RAPGEF2: variants seen among roughly 807,000 people sequenced by gnomAD.
RAPGEF2 encodes Rap guanine nucleotide exchange factor 2, also known as PDZ domain containing guanine nucleotide exchange factor (GEF) 1.
RAPGEF2 carries 54 observed loss-of-function variants against 186.7 expected under a neutral mutation model. The ratio of observed to expected loss-of-function variants is 0.29; its 90% CI spans 0.23 to 0.36. The LOEUF (loss-of-function observed/expected upper bound fraction) is 0.36. Among genes scored for constraint, RAPGEF2 ranks in the 10% least tolerant of loss-of-function variants. RAPGEF2 has a pLI of 1.00. For synonymous variants in RAPGEF2, 712 were observed against 705.9 expected (o/e 1.01, Z -0.14); for missense variants, 1,532 against 2,045.0 (o/e 0.75, Z 4.84).
intron 1 of RAPGEF2, among the ~76,000 whole-genome samples, chr4:159,171,096 A>G (rs1191991673): frequency 6.6e-6 from 1 of 152,114 alleles, no homozygotes; most frequent in Non-Finnish European, 1.5e-5. Flanking sequence ...CAACATTGTT[A>G]TTTTACTTTA....
At chr4:159,190,854 G>T (rs920468420) in intron 2 of RAPGEF2, among the ~76,000 whole-genome samples, 1 of 152,206 alleles carries the variant, frequency 6.6e-6, no homozygotes, top group African/African-American at 2.4e-5. Flanking sequence ...TATGGGAACT[G>T]CAATTCAAGA....
intron 3 of RAPGEF2, among the ~76,000 whole-genome samples, chr4:159,206,022 C>T (rs575563758): frequency 6.6e-6 from 1 of 152,068 alleles, no homozygotes; most frequent in East Asian, 1.9e-4. Flanking sequence ...CTCCGCCTCC[C>T]GGGTTCACGC....
chr4:159,335,514 G>A (rs1579986162), intron 17 of RAPGEF2, among the ~76,000 whole-genome samples: 1 of 152,138 alleles, frequency 6.6e-6, no homozygotes, highest in South Asian at 2.1e-4. Context: ...GAGTAGAAAG[G>A]CAGTTCATCA....
chr4:159,126,043 A>G (rs370644974), intron 1 of RAPGEF2, among the ~76,000 whole-genome samples: 4 of 152,194 alleles, frequency 2.6e-5, no homozygotes, highest in Admixed American at 6.5e-5. Context: ...CCCAATAGCA[A>G]TGTTGCTAGT....
Position 159,156,891 on chromosome 4 carries a change from A to C in RAPGEF2, c.70-29751A>C, listed in dbSNP as rs571868889. On this transcript the variant is annotated intron_variant, in intron 1 of 29. Transcript: ENST00000691494. ...AAACAATACAAACAAGAAATATAGT[A>C]TAACAACCATTTGCAGAGTGTTTAT... 3.9e-5 allele frequency among the ~76,000 whole-genome samples: 6 copies of C among 152,252 alleles called. No individual in the cohort carries two copies. The South Asian group carries it at 6.2e-4, about 16-fold the overall frequency.
chr4:159,322,988 A>T (rs994559331), intron 10 of RAPGEF2, among the ~76,000 whole-genome samples: 1 of 152,188 alleles, frequency 6.6e-6, no homozygotes, highest in African/African-American at 2.4e-5. Flanking sequence ...ACACCATATG[A>T]GTCACTATAT....
chr4:159,299,094 T>G (rs534285544), intron 7 of RAPGEF2, among the ~76,000 whole-genome samples: 1 of 152,196 alleles, frequency 6.6e-6, no homozygotes, highest in Non-Finnish European at 1.5e-5. Context: ...GACAATGATA[T>G]GGGGAAAGCA....
At chr4:159,287,319 T>C (rs1024805040) in intron 7 of RAPGEF2, among the ~76,000 whole-genome samples, 5 of 152,016 alleles carry the variant, frequency 3.3e-5, no homozygotes, top group African/African-American at 1.2e-4. Context: ...TAATAAAATA[T>C]GGAAATAAAT....
intron 4 of RAPGEF2, among the ~76,000 whole-genome samples, chr4:159,222,031 C>T (rs1002240216): frequency 5.3e-5 from 8 of 152,170 alleles, no homozygotes; most frequent in East Asian, 3.8e-4. Flanking sequence ...ATTCCCCCTT[C>T]GGATATTAGT....
At chr4:159,277,525 A>G (rs1467547666) in intron 7 of RAPGEF2, among the ~76,000 whole-genome samples, 1 of 152,208 alleles carries the variant, frequency 6.6e-6, no homozygotes. Flanking sequence ...TGGTTGAACT[A>G]GTTTACAGTC....
intron 9 of RAPGEF2, among the ~76,000 whole-genome samples, chr4:159,317,238 T>G (rs1764713309): frequency 1.3e-5 from 2 of 152,212 alleles, no homozygotes; most frequent in African/African-American, 4.8e-5. Flanking sequence ...TTTATGGGAA[T>G]TGCTAACTCT....
intron 25 of RAPGEF2, 38 bp from the exon 26 acceptor site, chr4:159,350,099 G>A (rs1345842417): frequency 2.9e-6 from 4 of 1,387,114 alleles, no homozygotes; most frequent in Middle Eastern, 3.8e-4. Flanking sequence ...TTTCAGACTT[G>A]AAAATACATA....
At chr4:159,351,945 C>T (rs767636223) in intron 26 of RAPGEF2, among the ~76,000 whole-genome samples, 9 of 152,092 alleles carry the variant, frequency 5.9e-5, no homozygotes, top group Admixed American at 6.5e-5. Flanking sequence ...AGGGAGACTC[C>T]GTCTCAAAAA....
At chr4:159,140,774 A>T (rs549624224) in intron 1 of RAPGEF2, among the ~76,000 whole-genome samples, 18 of 152,140 alleles carry the variant, frequency 1.2e-4, no homozygotes, top group African/African-American at 4.3e-4. Context: ...TTCATGAAAG[A>T]TCGTATAAGC....
At chr4:159,344,199 G>A in intron 23 of RAPGEF2, 140 bp downstream of exon 23, 2 of 831,014 alleles carry the variant, frequency 2.4e-6, no homozygotes, top group Middle Eastern at 2.3e-4. Context: ...AATTTCAGAT[G>A]GCAAATTGAC....
intron 1 of RAPGEF2, among the ~76,000 whole-genome samples, chr4:159,127,175 C>G (rs781531202): frequency 6.6e-6 from 1 of 152,110 alleles, no homozygotes; most frequent in South Asian, 2.1e-4. Context: ...TACAGGCACA[C>G]GCCACCACAC....
intron 7 of RAPGEF2, among the ~76,000 whole-genome samples, chr4:159,269,965 C>T (rs1041697112): frequency 1.3e-5 from 2 of 152,204 alleles, no homozygotes; most frequent in Admixed American, 6.5e-5. Flanking sequence ...ACTAGAGTCC[C>T]TGATCTTATT....
At chr4:159,332,835 T>A in intron 17 of RAPGEF2, 138 bp downstream of exon 17, 1 of 1,034,808 alleles carries the variant, frequency 9.7e-7, no homozygotes, top group Non-Finnish European at 1.3e-6. Flanking sequence ...GAAGCAGTAT[T>A]AAACAATCAA....
intron 1 of RAPGEF2, among the ~76,000 whole-genome samples, chr4:159,110,363 G>C (rs1018913011): frequency 2.0e-5 from 3 of 152,134 alleles, no homozygotes; most frequent in Non-Finnish European, 2.9e-5. Flanking sequence ...TGAGGCGGGT[G>C]GATCACTTGA....
Sources: gnomAD v4.1 joint callset for allele counts (sites outside exome capture counted in the v4.1 genomes callset) on GRCh38, gnomAD v4.1.1 for gene constraint, MANE v1.5 for transcripts, NCBI Gene and HGNC (gene_info 2026-07-23, HGNC 2026-07-21) for gene names.